Variants in ABCA13 observed in about 807,000 individuals in gnomAD.
The protein encoded by ABCA13 is ATP binding cassette subfamily A member 13, also known as ATP-binding cassette sub-family A member 13.
ABCA13 carries 476 observed loss-of-function variants against 478.7 expected under a neutral mutation model. The observed-to-expected ratio is 0.99, with a 90% CI of 0.92 to 1.07. ABCA13 has a LOEUF of 1.07. Among genes scored for constraint, ABCA13 ranks in the 50% least tolerant of loss-of-function variants. ABCA13 has a pLI of 0.00. For missense variants in ABCA13, 6,060 were observed against 5,910.6 expected (o/e 1.03, Z -0.83); for synonymous variants, 2,252 against 2,158.9 (o/e 1.04, Z -1.20).
At chr7:48,511,925 A>G (rs1311027135) in intron 51 of ABCA13, among the ~76,000 whole-genome samples, 1 of 152,202 alleles carries the variant, frequency 6.6e-6, no homozygotes, top group Non-Finnish European at 1.5e-5. Flanking sequence ...AGTGATTTTT[A>G]CAGTTTGTAT....
chr7:48,237,840 C>G (rs1007313911), intron 8 of ABCA13, among the ~76,000 whole-genome samples: 1 of 152,234 alleles, frequency 6.6e-6, no homozygotes, highest in African/African-American at 2.4e-5. Context: ...TCCCAGGGAG[C>G]CTGATGGCTG....
intron 3 of ABCA13, among the ~76,000 whole-genome samples, chr7:48,206,284 GTACTT>G (rs1395307504): frequency 6.6e-6 from 1 of 152,154 alleles, no homozygotes. Flanking sequence ...TATCTTAACT[GTACTT>G]TATAAATGTG....
intron 27 of ABCA13, among the ~76,000 whole-genome samples, chr7:48,317,807 G>A (rs1330159863): frequency 6.6e-6 from 1 of 152,238 alleles, no homozygotes; most frequent in Non-Finnish European, 1.5e-5. Context: ...AAAGCAGGGT[G>A]TATCCAGGAG....
chr7:48,436,283 A>G (rs1258154895), intron 42 of ABCA13, among the ~76,000 whole-genome samples: 7 of 151,724 alleles, frequency 4.6e-5, no homozygotes, highest in South Asian at 2.1e-4. Flanking sequence ...GAATTTATCC[A>G]TCTTATCTAG....
chr7:48,263,551 T>C (rs1287668246), intron 15 of ABCA13, among the ~76,000 whole-genome samples: 1 of 151,890 alleles, frequency 6.6e-6, no homozygotes, highest in Non-Finnish European at 1.5e-5. Context: ...CTTTACTGAG[T>C]TCTTATGAAG....
intron 18 of ABCA13, among the ~76,000 whole-genome samples, chr7:48,280,602 T>C (rs1289066552): frequency 6.6e-6 from 1 of 152,118 alleles, no homozygotes; most frequent in Admixed American, 6.5e-5. Context: ...ACTGTTAGGG[T>C]GGTCCCTGGT....
chr7:48,358,493 CCT>C (rs1810321348), intron 31 of ABCA13, among the ~76,000 whole-genome samples: 1 of 151,806 alleles, frequency 6.6e-6, no homozygotes, highest in Non-Finnish European at 1.5e-5. Context: ...TCCAAAACAC[CCT>C]CATTTAGATC....
At chr7:48,236,417 A>G (rs1403073953) in intron 8 of ABCA13, among the ~76,000 whole-genome samples, 1 of 152,202 alleles carries the variant, frequency 6.6e-6, no homozygotes, top group East Asian at 1.9e-4. Context: ...AACGGTAAGA[A>G]GTTTTTCCTG....
chr7:48,246,391 A>T (rs1791682526), intron 13 of ABCA13, among the ~76,000 whole-genome samples: 1 of 152,172 alleles, frequency 6.6e-6, no homozygotes, highest in African/African-American at 2.4e-5. Context: ...TGTGGCTTTG[A>T]GTGGTTACAA....
intron 59 of ABCA13, among the ~76,000 whole-genome samples, chr7:48,630,755 A>T (rs1195140050): frequency 1.3e-5 from 2 of 151,886 alleles, no homozygotes; most frequent in East Asian, 3.9e-4. Flanking sequence ...TGGCTGAACT[A>T]ATTTACATTC....
chr7:48,461,991 G>A (rs1035637226), intron 43 of ABCA13, among the ~76,000 whole-genome samples: 2 of 151,522 alleles, frequency 1.3e-5, no homozygotes, highest in African/African-American at 4.9e-5. Flanking sequence ...GATACTTGGT[G>A]CAGGGGTTGT....
At chr7:48,341,914 C>CTCATATATATATACTCATATATATATAT (rs1445374659) in intron 29 of ABCA13, among the ~76,000 whole-genome samples, 22 of 37,318 alleles carry the variant, frequency 5.9e-4, no homozygotes, top group Middle Eastern at 0.016. Context: ...TATATATATA[C>CTCATATATATATACTCATATATATATAT]TCATATATAT....
chr7:48,549,225 C>T (rs9691143), intron 55 of ABCA13, among the ~76,000 whole-genome samples: 18,390 of 151,494 alleles, frequency 0.12, 1,524 homozygotes, highest in East Asian at 0.17. Flanking sequence ...GCCCTCTACC[C>T]GCCAACAGGC....
chr7:48,184,170 G>T lies in ABCA13; in HGVS notation c.70-8789G>T, dbSNP rs150646940. The stretch of plus-strand genomic sequence containing the variant: ...GGTGTAAAATGATGATCTCATTGGG[G>T]TTTAATTTGCATCTGCTTGAGTACT... On this transcript the variant is annotated intron_variant, in intron 1 of 61. Coordinates refer to ENST00000435803, the MANE Select transcript of ABCA13 (RefSeq NM_152701.5). 5.1e-3 allele frequency among the ~76,000 whole-genome samples: 781 copies of T among 152,210 alleles called. 3 individuals carry two copies. The highest frequency in any genetic ancestry group is 0.018 in the African/African-American group (739 of 41,516).
At chr7:48,396,078 G>A (rs1009594087) in intron 38 of ABCA13, among the ~76,000 whole-genome samples, 2 of 152,202 alleles carry the variant, frequency 1.3e-5, no homozygotes, top group Admixed American at 6.5e-5. Context: ...TCCCACCAGG[G>A]CACTGCCGGC....
chr7:48,501,765 C>T (rs1008303341), intron 48 of ABCA13, among the ~76,000 whole-genome samples: 1 of 152,188 alleles, frequency 6.6e-6, no homozygotes, highest in Non-Finnish European at 1.5e-5. Flanking sequence ...CTCTCTTCTG[C>T]TGTCATAGTT....
chr7:48,260,337 T>C (rs555244921), intron 15 of ABCA13, among the ~76,000 whole-genome samples: 1 of 152,198 alleles, frequency 6.6e-6, no homozygotes, highest in Non-Finnish European at 1.5e-5. Flanking sequence ...GGTCTTTATT[T>C]GTAGTTGATG....
intron 48 of ABCA13, among the ~76,000 whole-genome samples, chr7:48,503,500 C>G (rs773873993): frequency 6.6e-6 from 1 of 152,196 alleles, no homozygotes; most frequent in Non-Finnish European, 1.5e-5. Flanking sequence ...GTGAATTTGA[C>G]TTTTAAAAGT....
intron 59 of ABCA13, among the ~76,000 whole-genome samples, chr7:48,620,474 T>C (rs1793027445): frequency 6.6e-6 from 1 of 152,192 alleles, no homozygotes; most frequent in Non-Finnish European, 1.5e-5. Context: ...TGGGAGGTTG[T>C]CCTGGGCATG....
Sources: gnomAD v4.1 joint callset for allele counts (sites outside exome capture counted in the v4.1 genomes callset) on GRCh38, gnomAD v4.1.1 for gene constraint, MANE v1.5 for transcripts, NCBI Gene and HGNC (gene_info 2026-07-23, HGNC 2026-07-21) for gene names.